C12orf56: variants seen among roughly 807,000 people sequenced by gnomAD.
C12orf56 encodes the protein uncharacterized protein C12orf56.
A neutral mutation model predicts 69.9 loss-of-function variants in C12orf56; 71 were observed. The observed-to-expected ratio is 1.02, with a 90% CI of 0.84 to 1.24. The LOEUF (loss-of-function observed/expected upper bound fraction) is 1.24. C12orf56 is among the 50% of genes most tolerant of loss of function. The pLI, the probability that C12orf56 is intolerant of heterozygous loss-of-function variation, is 0.00. For synonymous variants in C12orf56, 276 were observed against 274.1 expected, an observed-to-expected ratio of 1.01 and a Z score of -0.07; for missense variants, 732 against 738.5, an observed-to-expected ratio of 0.99 and a Z score of 0.10.
intron 8 of C12orf56, among the ~76,000 whole-genome samples, chr12:64,282,404 A>C (rs1444927663): frequency 1.3e-5 from 2 of 152,236 alleles, no homozygotes; most frequent in East Asian, 1.9e-4. Context: ...GACGCAGCAC[A>C]GATTGTATGA....
intron 3 of C12orf56, among the ~76,000 whole-genome samples, chr12:64,328,379 G>A (rs1236263529): frequency 6.6e-6 from 1 of 151,884 alleles, no homozygotes; most frequent in African/African-American, 2.4e-5. Flanking sequence ...TAGAGAAAGT[G>A]TGTAACAGTA....
chr12:64,319,608 A>G (rs2038744112), intron 3 of C12orf56, among the ~76,000 whole-genome samples: 1 of 152,170 alleles, frequency 6.6e-6, no homozygotes, highest in Admixed American at 6.5e-5. Flanking sequence ...GACTAGCTGG[A>G]TTCCCTAGGC....
chr12:64,386,031 T>C (rs1285355452), intron 1 of C12orf56, among the ~76,000 whole-genome samples: 2 of 152,054 alleles, frequency 1.3e-5, no homozygotes, highest in African/African-American at 2.4e-5. Flanking sequence ...GGCAGGACCT[T>C]CTGGAAGCTT....
intron 1 of C12orf56, among the ~76,000 whole-genome samples, chr12:64,370,206 G>A (rs1478865437): frequency 2.7e-5 from 4 of 150,166 alleles, no homozygotes; most frequent in African/African-American, 9.8e-5. Flanking sequence ...TTAGTCAGGT[G>A]TGGTGGCGGG....
At position 64,311,368 on chromosome 12, in the gene C12orf56, G is replaced by A. The variant is rs538076741; in HGVS notation, c.968+1311C>T. 2.7e-5 allele frequency among the ~76,000 whole-genome samples: 4 copies of A among 150,500 alleles called. No homozygotes were observed. The East Asian group carries it at 5.8e-4, about 22-fold the overall frequency. ...GCAGAGGTTACAGTGAGCCAAGATC[G>A]CTCCACTGCATTACAGCCTGGGCAA... On this transcript the variant is annotated intron_variant, in intron 5 of 12. Coordinates refer to ENST00000543942, the MANE Select transcript of C12orf56 (RefSeq NM_001170633.2).
intron 1 of C12orf56, among the ~76,000 whole-genome samples, chr12:64,365,162 CTTT>C (rs386376771): frequency 2.0e-4 from 25 of 123,044 alleles, no homozygotes; most frequent in African/African-American, 5.9e-4. Context: ...AAAGCTGTTC[CTTT>C]TTTTTTTTTT....
intron 4 of C12orf56, 59 bp downstream of exon 4, chr12:64,318,516 T>C: frequency 7.2e-7 from 1 of 1,386,564 alleles, no homozygotes; most frequent in Non-Finnish European, 9.5e-7. Flanking sequence ...AGGGCTTGTT[T>C]GCTCTAAAAA....
chr12:64,353,477 T>TC lies in C12orf56; in HGVS notation c.253-422dup, dbSNP rs971215978. Among the ~76,000 whole-genome samples the TC allele has an allele frequency of 3.0e-4, 45 of 151,944 alleles. 1 individual carries two copies. The highest frequency in any genetic ancestry group is 9.9e-4 in the African/African-American group (41 of 41,474). ...GTTTAAACTGAGTTCTTTTTTTTTTTCCCCTTCATTTTATCCACTTGGACA... is the reference window on the plus strand; with the variant it reads ...GTTTAAACTGAGTTCTTTTTTTTTTTCCCCCTTCATTTTATCCACTTGGACA... On this transcript the variant is annotated intron_variant, in intron 1 of 12. Transcript: ENST00000543942.
chr12:64,348,323 T>C (rs931239330), intron 2 of C12orf56, among the ~76,000 whole-genome samples: 2 of 152,080 alleles, frequency 1.3e-5, no homozygotes, highest in African/African-American at 4.8e-5. Context: ...TTTCTGCAAA[T>C]TGAGAATTAA....
chr12:64,334,351 C>A (rs183689043), intron 2 of C12orf56, among the ~76,000 whole-genome samples: 109 of 152,258 alleles, frequency 7.2e-4, no homozygotes, highest in African/African-American at 2.5e-3. Context: ...AAAAATTACA[C>A]ACACACACAT....
chr12:64,340,527 A>G (rs1251321305), intron 2 of C12orf56, among the ~76,000 whole-genome samples: 1 of 152,212 alleles, frequency 6.6e-6, no homozygotes. Context: ...TATCCTTTGT[A>G]CAACCAGAAA....
chr12:64,300,112 T>C (rs190395823), intron 6 of C12orf56, among the ~76,000 whole-genome samples: 1 of 152,092 alleles, frequency 6.6e-6, no homozygotes, highest in Non-Finnish European at 1.5e-5. Flanking sequence ...AGGCAGAAAA[T>C]GGCATTTGAG....
chr12:64,387,971 A>T (rs938924240), intron 1 of C12orf56, among the ~76,000 whole-genome samples: 1 of 152,188 alleles, frequency 6.6e-6, no homozygotes, highest in Non-Finnish European at 1.5e-5. Context: ...CTGAGCGTTC[A>T]AAGTTTTTTG....
chr12:64,354,464 T>A (rs2039278660), intron 1 of C12orf56, among the ~76,000 whole-genome samples: 1 of 151,964 alleles, frequency 6.6e-6, no homozygotes, highest in South Asian at 2.1e-4. Context: ...TCTCTCTTTT[T>A]TTTTTATTTT....
chr12:64,346,783 C>T (rs2039148678), intron 2 of C12orf56, among the ~76,000 whole-genome samples: 2 of 152,068 alleles, frequency 1.3e-5, no homozygotes, highest in Admixed American at 1.3e-4. Context: ...TTGAAAGGAG[C>T]TTGTTATGAA....
At chr12:64,352,819 T>G in intron 2 of C12orf56, 75 bp downstream of exon 2, 1 of 1,311,964 alleles carries the variant, frequency 7.6e-7, no homozygotes, top group Non-Finnish European at 1.0e-6. Context: ...CAAAATATCC[T>G]GCATCAATTT....
At chr12:64,302,093 A>G (rs964427427) in intron 6 of C12orf56, among the ~76,000 whole-genome samples, 1 of 152,066 alleles carries the variant, frequency 6.6e-6, no homozygotes, top group African/African-American at 2.4e-5. Context: ...AGATAATCCT[A>G]ATTTATTTAC....
intron 11 of C12orf56, among the ~76,000 whole-genome samples, chr12:64,271,001 A>T (rs1031705083): frequency 1.3e-5 from 2 of 152,092 alleles, no homozygotes; most frequent in African/African-American, 2.4e-5. Context: ...CCCCGTCTCT[A>T]CTAAAAATAC....
At chr12:64,329,423 C>T (rs1273237701) in intron 3 of C12orf56, among the ~76,000 whole-genome samples, 2 of 152,040 alleles carry the variant, frequency 1.3e-5, no homozygotes, top group South Asian at 4.2e-4. Flanking sequence ...TGACTTTCCA[C>T]CAATCTCAGG....
Sources: allele counts gnomAD v4.1 joint callset (sites outside exome capture counted in the v4.1 genomes callset), GRCh38; gene constraint gnomAD v4.1.1; transcripts MANE v1.5; gene names NCBI Gene and HGNC (gene_info 2026-07-23, HGNC 2026-07-21).